MTMR3: variants seen among roughly 807,000 people sequenced by gnomAD.
The protein encoded by MTMR3 is phosphatidylinositol-3,5-bisphosphate 3-phosphatase MTMR3.
A neutral mutation model predicts 132.4 loss-of-function variants in MTMR3; 32 were observed. The observed-to-expected ratio is 0.24, with a 90% CI of 0.18 to 0.32. MTMR3 has a LOEUF of 0.32. Among genes scored for constraint, MTMR3 ranks in the 10% least tolerant of loss-of-function variants. MTMR3 has a pLI of 1.00. For synonymous variants in MTMR3, 556 were observed against 550.3 expected, an observed-to-expected ratio of 1.01 and a Z score of -0.14; for missense variants, 1,216 against 1,489.6, an observed-to-expected ratio of 0.82 and a Z score of 3.02.
intron 1 of MTMR3, among the ~76,000 whole-genome samples, chr22:29,913,795 A>T (rs1336057632): frequency 6.6e-6 from 1 of 151,464 alleles, no homozygotes; most frequent in Non-Finnish European, 1.5e-5. Flanking sequence ...TCTGTCGCCC[A>T]GGCTGGAGTG....
At position 29,883,200 on chromosome 22, in the gene MTMR3, T is replaced by C. The variant is rs576935820; in HGVS notation, c.-297T>C. 2.0e-4 allele frequency: 30 copies of C among 152,468 alleles called. No homozygotes were observed. Among genetic ancestry groups the C allele is most frequent in the Admixed American group, 1.5e-3 (23 of 15,308 alleles). 9.4% of individuals were successfully genotyped at this position (152,468 alleles called of 1,614,324 possible). ...CTCTGTGTGGCCGCTGCCGCCATGT[T>C]GTTGTGGTTGTGAGAAGGCGGCGGC... On this transcript the variant is annotated 5_prime_UTR_variant, in exon 1 of 20. Transcript: ENST00000401950.
intron 3 of MTMR3, among the ~76,000 whole-genome samples, chr22:29,974,858 C>G (rs1476675056): frequency 6.6e-6 from 1 of 152,186 alleles, no homozygotes; most frequent in African/African-American, 2.4e-5. Flanking sequence ...TAAAAGTATA[C>G]TTTTATGTAA....
At position 29,934,112 on chromosome 22, in the gene MTMR3, T is replaced by C. The variant is rs143542693; in HGVS notation, c.-137-22924T>C. The stretch of plus-strand genomic sequence containing the variant: ...GCTCACGCCTGTAATTCCAGCACTT[T>C]GGGAGGTAGAGGTGAGTGGATCACG... On this transcript the variant is annotated intron_variant, in intron 1 of 19. Transcript: ENST00000401950. 4.5e-3 allele frequency among the ~76,000 whole-genome samples: 678 copies of C among 152,326 alleles called. 6 individuals are homozygous for C. The highest frequency in any genetic ancestry group is 0.015 in the African/African-American group (640 of 41,584).
intron 1 of MTMR3, among the ~76,000 whole-genome samples, chr22:29,915,037 T>G (rs1016920505): frequency 1.3e-5 from 2 of 152,172 alleles, no homozygotes; most frequent in African/African-American, 4.8e-5. Context: ...GATTTCAGAA[T>G]TTGAGATTTG....
chr22:29,928,947 T>C (rs1404876747), intron 1 of MTMR3, among the ~76,000 whole-genome samples: 3 of 152,184 alleles, frequency 2.0e-5, no homozygotes, highest in Admixed American at 6.5e-5. Flanking sequence ...CTCTTCAAAG[T>C]AGCTTTAGCA....
intron 2 of MTMR3, among the ~76,000 whole-genome samples, chr22:29,964,757 C>T (rs1477230477): frequency 6.6e-6 from 1 of 152,130 alleles, no homozygotes; most frequent in Non-Finnish European, 1.5e-5. Context: ...ATCCATTCAC[C>T]CCACATCAAC....
chr22:30,004,686 C>T (rs976695303), intron 9 of MTMR3: 40 of 152,220 alleles, frequency 2.6e-4, no homozygotes, highest in African/African-American at 8.9e-4. Context: ...GAACTGGGCT[C>T]TGTCTCAGAA....
intron 1 of MTMR3, among the ~76,000 whole-genome samples, chr22:29,886,348 A>G (rs915963687): frequency 2.6e-5 from 4 of 152,168 alleles, no homozygotes; most frequent in Non-Finnish European, 5.9e-5. Context: ...CGAGTCCCCT[A>G]GTTTTTGAGT....
intron 2 of MTMR3, among the ~76,000 whole-genome samples, chr22:29,967,249 G>GCA (rs1479550835): frequency 1.3e-5 from 2 of 149,888 alleles, no homozygotes; most frequent in South Asian, 2.1e-4. Context: ...GCGCGCGCGC[G>GCA]CATGTTTTTT....
At chr22:29,920,174 A>G (rs1390569537) in intron 1 of MTMR3, among the ~76,000 whole-genome samples, 2 of 151,672 alleles carry the variant, frequency 1.3e-5, no homozygotes. Context: ...AGATCGCGCC[A>G]CTGCACTGCA....
intron 5 of MTMR3, chr22:29,984,099 G>A (rs148647573): frequency 2.0e-5 from 3 of 152,228 alleles, no homozygotes; most frequent in African/African-American, 4.8e-5. Context: ...GTTTATAGAT[G>A]TGAGTCGTCG....
rs2064607053 is a variant in MTMR3, at chr22:29,883,875, C to G, written c.-138+516C>G. 3.9e-5 allele frequency among the ~76,000 whole-genome samples: 6 copies of G among 152,296 alleles called. No homozygotes were observed. The South Asian group carries it at 1.2e-3, about 32-fold the overall frequency. ...GAGGAGTGACCGCCCGATCGTGCAG[C>G]AGGGCATCCCCCTGACCTGGTAGTA... On this transcript the variant is annotated intron_variant, in intron 1 of 19. Transcript: ENST00000401950.
chr22:29,971,192 A>T (rs1042625495), intron 3 of MTMR3, 130 bp downstream of exon 3: 1 of 914,052 alleles, frequency 1.1e-6, no homozygotes, highest in African/African-American at 1.7e-5. Context: ...TCTTTCCCAG[A>T]TCTCTTGTGT....
intron 1 of MTMR3, among the ~76,000 whole-genome samples, chr22:29,929,299 A>G (rs909633072): frequency 6.6e-6 from 1 of 151,962 alleles, no homozygotes; most frequent in African/African-American, 2.4e-5. Flanking sequence ...ACAAACAGAA[A>G]ACACTCATTT....
At position 30,025,689 on chromosome 22, in the gene MTMR3, A is replaced by G; in HGVS notation, c.3485A>G (p.Gln1162Arg). The G allele has an allele frequency of 6.2e-7, 1 of 1,614,232 alleles. No individual in the cohort carries two copies. The highest frequency in any genetic ancestry group is 1.1e-5 in the South Asian group (1 of 91,082). The change falls in exon 20 of 20, where the codon CAG (glutamine) becomes CGG (arginine). Residue 1162 changes from glutamine (Q) to arginine (R), a missense_variant. Around this residue, in one of 7 missense-constraint regions of MTMR3, gnomAD observed 852 missense variants for 852.0 expected, o/e 1.00. Transcript: ENST00000401950. Reference sequence around the variant, plus strand: ...AACCAGAAGGTTCCAGTTCCCAGCCAGCAGCTCTTTGAACCCAGTCGAGTA... The same window carrying G: ...AACCAGAAGGTTCCAGTTCCCAGCCGGCAGCTCTTTGAACCCAGTCGAGTA... ...CCNQKVPVPSQQLFEPSRVCK... is the reference protein window; with the variant it reads ...CCNQKVPVPSRQLFEPSRVCK...
intron 1 of MTMR3, among the ~76,000 whole-genome samples, chr22:29,896,456 G>A (rs1208633084): frequency 6.6e-6 from 1 of 152,104 alleles, no homozygotes; most frequent in East Asian, 1.9e-4. Context: ...CTCTCAGTTG[G>A]TCATTGCCAA....
chr22:29,899,967 G>A (rs1418271006), intron 1 of MTMR3, among the ~76,000 whole-genome samples: 2 of 147,320 alleles, frequency 1.4e-5, no homozygotes, highest in South Asian at 2.2e-4. Flanking sequence ...TGCTGAGTTC[G>A]TCGTCTTTTA....
intron 3 of MTMR3, among the ~76,000 whole-genome samples, chr22:29,976,768 T>C (rs1200546063): frequency 1.3e-5 from 2 of 152,192 alleles, no homozygotes; most frequent in African/African-American, 4.8e-5. Context: ...GTCTGTGGAC[T>C]TCATTTTGAG....
intron 5 of MTMR3, chr22:29,981,056 C>T (rs1364077203): frequency 6.6e-6 from 1 of 152,238 alleles, no homozygotes; most frequent in Non-Finnish European, 1.5e-5. Context: ...GATAACTTCT[C>T]CTGTGAAGCC....
Sources: allele counts gnomAD v4.1 joint callset (sites outside exome capture counted in the v4.1 genomes callset), GRCh38; gene constraint gnomAD v4.1.1; regional missense constraint gnomAD v4.1.1; transcripts MANE v1.5; gene names NCBI Gene and HGNC (gene_info 2026-07-23, HGNC 2026-07-21).